ABLIM1: variants seen among roughly 807,000 people sequenced by gnomAD.
The protein encoded by ABLIM1 is actin binding LIM protein 1, also known as actin-binding LIM protein 1.
A neutral mutation model predicts 107.0 loss-of-function variants in ABLIM1; 40 were observed. The observed-to-expected ratio is 0.37, with a 90% CI of 0.29 to 0.49. The LOEUF is 0.49. ABLIM1 is among the 20% of genes least tolerant of loss of function. The pLI is 0.97. For missense variants in ABLIM1, 857 were observed against 1,008.5 expected (o/e 0.85, Z 2.04); for synonymous variants, 357 against 357.3 (o/e 1.00, Z 0.01).
At chr10:114,719,752 T>A (rs1329604288) in intron 1 of ABLIM1, among the ~76,000 whole-genome samples, 1 of 152,194 alleles carries the variant, frequency 6.6e-6, no homozygotes, top group Non-Finnish European at 1.5e-5. Context: ...TCTGGTGGCC[T>A]CTGTGAAAAA....
rs188504519 is a variant in ABLIM1 at position 114,546,770 on chromosome 10, T to G, written c.800+880A>C. Among the ~76,000 whole-genome samples, 284 of 152,318 alleles carry G rather than the reference T, an allele frequency of 1.9e-3. 2 individuals carry two copies. Among genetic ancestry groups the G allele is most frequent in the African/African-American group, 6.6e-3 (274 of 41,570 alleles). ...CATGTGGTTGGGGAAATGCATGAAT[T>G]AATGAATGAATTTATTTGTTTATTT... is the stretch of plus-strand genomic sequence containing the variant. On this transcript the variant is annotated intron_variant, in intron 5 of 22. Transcript: ENST00000533213.
At chr10:114,474,408 T>A (rs2067181730) in intron 8 of ABLIM1, among the ~76,000 whole-genome samples, 1 of 134,428 alleles carries the variant, frequency 7.4e-6, no homozygotes, top group Non-Finnish European at 1.5e-5. Context: ...TGAGACGGAG[T>A]CTCACTCTGT....
intron 1 of ABLIM1, among the ~76,000 whole-genome samples, chr10:114,733,609 C>T (rs1007025399): frequency 1.3e-5 from 2 of 152,098 alleles, no homozygotes; most frequent in Non-Finnish European, 2.9e-5. Flanking sequence ...CTTCAGTACC[C>T]AGGAACACAG....
intron 1 of ABLIM1, among the ~76,000 whole-genome samples, chr10:114,637,301 T>C (rs1214661680): frequency 6.6e-6 from 1 of 152,170 alleles, no homozygotes; most frequent in East Asian, 1.9e-4. Context: ...ACAATCCTTA[T>C]ACTCTCTGTT....
chr10:114,640,834 A>G (rs955319574), intron 1 of ABLIM1, among the ~76,000 whole-genome samples: 9 of 152,196 alleles, frequency 5.9e-5, no homozygotes, highest in African/African-American at 2.2e-4. Context: ...TCTGGGGAAT[A>G]AAGAAAAAAG....
chr10:114,480,348 T>A (rs1195568099), intron 8 of ABLIM1, among the ~76,000 whole-genome samples: 13 of 152,336 alleles, frequency 8.5e-5, no homozygotes, highest in African/African-American at 3.1e-4. Flanking sequence ...TATAAATGCA[T>A]ACAATTTCAA....
chr10:114,633,657 C>T (rs1448551180), intron 1 of ABLIM1, among the ~76,000 whole-genome samples: 1 of 152,126 alleles, frequency 6.6e-6, no homozygotes, highest in African/African-American at 2.4e-5. Flanking sequence ...TAAATATGAG[C>T]CAAGCACGAG....
intron 4 of ABLIM1, among the ~76,000 whole-genome samples, chr10:114,562,698 A>G (rs553073766): frequency 6.6e-5 from 10 of 152,362 alleles, no homozygotes; most frequent in East Asian, 1.9e-4. Flanking sequence ...TGCAAACTGC[A>G]TCTTCATTCA....
At chr10:114,568,027 A>G (rs993063799) in intron 4 of ABLIM1, among the ~76,000 whole-genome samples, 5 of 151,422 alleles carry the variant, frequency 3.3e-5, no homozygotes, top group Admixed American at 3.3e-4. Context: ...CGTCTCTACT[A>G]AAAATACAAA....
At chr10:114,474,480 A>G (rs2067205706) in intron 8 of ABLIM1, among the ~76,000 whole-genome samples, 3 of 148,702 alleles carry the variant, frequency 2.0e-5, no homozygotes, top group South Asian at 2.1e-4. Flanking sequence ...TCCCAGGTTC[A>G]CACTTTTCTC....
intron 1 of ABLIM1, among the ~76,000 whole-genome samples, chr10:114,727,156 A>G (rs555081854): frequency 6.6e-6 from 1 of 152,200 alleles, no homozygotes; most frequent in Non-Finnish European, 1.5e-5. Context: ...TTCTGAAGTG[A>G]GTCTGCTGGC....
the ABLIM1 span, among the ~76,000 whole-genome samples, chr10:114,801,251 TA>T: frequency 5.3e-5 from 8 of 150,334 alleles, no homozygotes; most frequent in East Asian, 1.9e-4. Context: ...CTGTCTCTAT[TA>T]AAAAAAAAAT....
chr10:114,584,999 C>T (rs2074027393), intron 2 of ABLIM1, among the ~76,000 whole-genome samples: 1 of 149,280 alleles, frequency 6.7e-6, no homozygotes, highest in Admixed American at 6.6e-5. Flanking sequence ...TAAATATTCT[C>T]ACTCAGTTTT....
At chr10:114,750,558 T>C (rs1322998450) in intron 1 of ABLIM1, among the ~76,000 whole-genome samples, 1 of 152,180 alleles carries the variant, frequency 6.6e-6, no homozygotes, top group East Asian at 1.9e-4. Context: ...GTTCATAACC[T>C]CCAAAAGCAA....
At chr10:114,582,876 G>A (rs999107470) in intron 2 of ABLIM1, among the ~76,000 whole-genome samples, 11 of 152,096 alleles carry the variant, frequency 7.2e-5, no homozygotes, top group Non-Finnish European at 1.3e-4. Flanking sequence ...ATAGATTAAA[G>A]GCTTAAGGGT....
intron 2 of ABLIM1, among the ~76,000 whole-genome samples, chr10:114,592,059 T>C (rs893416346): frequency 6.6e-6 from 1 of 152,246 alleles, no homozygotes; most frequent in African/African-American, 2.4e-5. Context: ...GAATTGCTAA[T>C]ACAAACTCCC....
intron 4 of ABLIM1, among the ~76,000 whole-genome samples, chr10:114,550,178 A>G (rs754213796): frequency 6.6e-6 from 1 of 152,180 alleles, no homozygotes; most frequent in African/African-American, 2.4e-5. Flanking sequence ...ATATGAGTGT[A>G]TATTAGATGG....
chr10:114,640,026 T>C lies in ABLIM1; in HGVS notation c.244+17931A>G, dbSNP rs545110861. On this transcript the variant is annotated intron_variant, in intron 1 of 22. Transcript: ENST00000533213. ...GAGAAGGCAATGATGTTCTAGGAAA[T>C]ACAAACAACCAAGAAATCTTATTAT... is the stretch of plus-strand genomic sequence containing the variant. 7.9e-5 allele frequency among the ~76,000 whole-genome samples: 12 copies of C among 152,312 alleles called. No homozygotes were observed. In the South Asian group the frequency reaches 2.5e-3, roughly 32 times the overall value.
intron 2 of ABLIM1, among the ~76,000 whole-genome samples, chr10:114,587,566 C>T (rs1014113924): frequency 8.5e-5 from 13 of 152,090 alleles, no homozygotes; most frequent in Non-Finnish European, 1.6e-4. Flanking sequence ...GTTTAAAGTG[C>T]CATCTTTTCA....
Sources: gnomAD v4.1 joint callset for allele counts (sites outside exome capture counted in the v4.1 genomes callset) on GRCh38, gnomAD v4.1.1 for gene constraint, MANE v1.5 for transcripts, NCBI Gene and HGNC (gene_info 2026-07-23, HGNC 2026-07-21) for gene names.